The following FYN variants were observed in gnomAD, a reference collection of about 807,000 sequenced individuals.
FYN encodes FYN proto-oncogene, Src family tyrosine kinase, also known as tyrosine-protein kinase Fyn.
A neutral mutation model predicts 70.2 loss-of-function variants in FYN; 10 were observed. The observed-to-expected ratio is 0.14, with a 90% confidence interval of 0.09 to 0.24. FYN has a LOEUF of 0.24. Ranked by LOEUF, FYN falls within the 10% of genes least tolerant of loss-of-function variation. The pLI, the probability that FYN is intolerant of heterozygous loss-of-function variation, is 1.00. For missense variants in FYN, 319 were observed against 673.1 expected, an observed-to-expected ratio of 0.47 and a Z score of 5.82; for synonymous variants, 236 against 248.6, an observed-to-expected ratio of 0.95 and a Z score of 0.48.
In FYN at chr6:111,661,734, G is replaced by C. The variant is rs368114735; in HGVS notation, c.*5C>G. 7 of 1,612,694 alleles carry C rather than the reference G, an allele frequency of 4.3e-6. No individual in the cohort carries two copies. Among genetic ancestry groups the C allele is most frequent in the East Asian group, 2.2e-5 (1 of 44,888 alleles). ...GGACAAGGCCTCTCTCCGCAGACCC[G>C]GGCCTTACAGGTTTTCACCAGGTTG... On this transcript the variant is annotated 3_prime_UTR_variant, in exon 14 of 14. Transcript: ENST00000354650. The surrounding 1 kb of genome is among the most constrained non-coding windows in gnomAD (Gnocchi z 4.0).
At position 111,670,619 on chromosome 6, in the gene FYN, G is replaced by C. The variant is rs1483023785; in HGVS notation, c.1405+3880C>G. On this transcript the variant is annotated intron_variant, in intron 13 of 13. Coordinates refer to ENST00000354650, the MANE Select transcript of FYN (RefSeq NM_002037.5). The stretch of plus-strand genomic sequence containing the variant: ...TTTGTGGAATGACTACAGAAAAAGA[G>C]TTATGAAGAACTATGTAGAATTACG... Among the ~76,000 whole-genome samples the C allele has an allele frequency of 3.5e-5, 5 of 143,468 alleles. No homozygotes were observed. In the East Asian group the frequency reaches 9.6e-4, roughly 28 times the overall value. The allele number at this position is 143,468 out of a possible 152,430, so 94.1% of individuals were successfully genotyped here. A position where few individuals can be genotyped will look rare whatever the true frequency, so the allele number is the denominator to read the frequency against.
chr6:111,851,833 C>T (rs1366361893), intron 1 of FYN, among the ~76,000 whole-genome samples: 1 of 151,482 alleles, frequency 6.6e-6, no homozygotes, highest in Non-Finnish European at 1.5e-5. Context: ...ACAGCCACAA[C>T]ACTGCTTGGG....
In FYN at chr6:111,846,775, G is replaced by A. The variant is rs913034049; in HGVS notation, c.-122-146C>T. 2.3e-5 allele frequency: 9 copies of A among 396,244 alleles called. No individual in the cohort carries two copies. In the Admixed American group the frequency reaches 2.6e-4, roughly 12 times the overall value. The allele number at this position is 396,244 out of a possible 1,614,324, so 24.5% of individuals were successfully genotyped here. A position where few individuals can be genotyped will look rare whatever the true frequency, so the allele number is the denominator to read the frequency against. ...CAAATTTTTTATCATTCACACAATT[G>A]TTGCTAAGTCACAGTTGCCACAAAC... On this transcript the variant is annotated intron_variant, in intron 1 of 13. Coordinates refer to ENST00000354650, the MANE Select transcript of FYN (RefSeq NM_002037.5).
At chr6:111,679,635 T>C (rs373586142) in intron 12 of FYN, among the ~76,000 whole-genome samples, 1 of 152,130 alleles carries the variant, frequency 6.6e-6, no homozygotes, top group South Asian at 2.1e-4. Context: ...TGGTGAGTCT[T>C]CTACTTGTCC....
intron 3 of FYN, among the ~76,000 whole-genome samples, chr6:111,750,041 T>G (rs1722957483): frequency 6.6e-6 from 1 of 152,218 alleles, no homozygotes; most frequent in Admixed American, 6.5e-5. Flanking sequence ...AGTGACAGCA[T>G]GTACAACTGC....
At chr6:111,872,749 G>C (rs1003423605) in intron 1 of FYN, among the ~76,000 whole-genome samples, 1 of 151,806 alleles carries the variant, frequency 6.6e-6, no homozygotes, top group Non-Finnish European at 1.5e-5. Context: ...CCCCATCCCC[G>C]CGCTGCCTCG....
chr6:111,752,834 C>T (rs953620335), intron 3 of FYN, among the ~76,000 whole-genome samples: 4 of 151,914 alleles, frequency 2.6e-5, no homozygotes, highest in Non-Finnish European at 5.9e-5. Flanking sequence ...CAGTCCAGTT[C>T]AGTGTTAATA....
chr6:111,724,470 G>T (rs570238166), intron 3 of FYN, among the ~76,000 whole-genome samples: 1 of 152,106 alleles, frequency 6.6e-6, no homozygotes, highest in Non-Finnish European at 1.5e-5. Flanking sequence ...TTCATATTTC[G>T]TCATGTGCCA....
chr6:111,700,982 TA>T (rs554639957), intron 8 of FYN, among the ~76,000 whole-genome samples: 5,768 of 141,578 alleles, frequency 0.041, 270 homozygotes, highest in African/African-American at 0.13. Context: ...TATTTTCCAT[TA>T]AAAAAAAAAA....
At chr6:111,729,222 CCAG>C (rs1319495443) in intron 3 of FYN, among the ~76,000 whole-genome samples, 1 of 152,104 alleles carries the variant, frequency 6.6e-6, no homozygotes, top group Admixed American at 6.5e-5. Context: ...ACCTGTAATT[CCAG>C]CACTTTGGGA....
In FYN at chr6:111,665,995, C is replaced by CTTTT. The variant is rs991104460; in HGVS notation, c.1406-4052_1406-4049dup. Among the ~76,000 whole-genome samples the CTTTT allele has an allele frequency of 9.2e-4, 82 of 89,070 alleles. 1 individual carries two copies. Among genetic ancestry groups the CTTTT allele is most frequent in the East Asian group, 1.7e-3 (5 of 2,864 alleles). The allele number at this position is 89,070 out of a possible 152,430, so 58.4% of individuals were successfully genotyped here. ...GCTGGAAATGTTTTTCCTTTTTCTC[C>CTTTT]TTTTTTTTTTTTTTTTTTTTTTTTG... On this transcript the variant is annotated intron_variant, in intron 13 of 13. Coordinates refer to ENST00000354650, the MANE Select transcript of FYN (RefSeq NM_002037.5).
In FYN at chr6:111,707,939, G is replaced by A. The variant is rs1800176300; in HGVS notation, c.426C>T (p.Asp142=). The part of the protein sequence containing the change: ...YIPSNYVAPV[D]SIQAEEWYFG... ...AAACATACTCTTCTGCCTGGATAGA[G>A]TCAACTGGAGCCACATAATTGCTGG... is the stretch of plus-strand genomic sequence containing the variant. Residue 142 remains aspartate (D), a synonymous_variant, in exon 6 of 14, where the codon GAC becomes GAT. Transcript: ENST00000354650. 2 of 1,613,614 alleles carry A rather than the reference G, an allele frequency of 1.2e-6. No individual in the cohort carries two copies. Among genetic ancestry groups the A allele is most frequent in the Non-Finnish European group, 8.5e-7 (1 of 1,179,550 alleles).
At chr6:111,695,439 G>C (rs1363055046) in intron 10 of FYN, among the ~76,000 whole-genome samples, 1 of 152,184 alleles carries the variant, frequency 6.6e-6, no homozygotes, top group African/African-American at 2.4e-5. Flanking sequence ...GCCTAAGAAG[G>C]CTTAGAACTA....
chr6:111,754,805 C>G (rs1802645900), intron 3 of FYN: 1 of 152,160 alleles, frequency 6.6e-6, no homozygotes. Flanking sequence ...AACACACACA[C>G]AACCTGAGTG....
chr6:111,840,661 C>G (rs568974620), intron 2 of FYN, among the ~76,000 whole-genome samples: 2 of 152,228 alleles, frequency 1.3e-5, no homozygotes, highest in South Asian at 2.1e-4. Flanking sequence ...GCAGTAATAA[C>G]CTTTTAAAGG....
chr6:111,855,717 G>A (rs904404864), intron 1 of FYN, among the ~76,000 whole-genome samples: 6 of 152,124 alleles, frequency 3.9e-5, no homozygotes, highest in African/African-American at 1.4e-4. Flanking sequence ...AAAAGTTTGG[G>A]TGTATTCTGT....
At chr6:111,765,258 C>T (rs557639501) in intron 3 of FYN, among the ~76,000 whole-genome samples, 1 of 152,222 alleles carries the variant, frequency 6.6e-6, no homozygotes, top group East Asian at 1.9e-4. Flanking sequence ...CCCTAACCCC[C>T]AATGTAACTG....
chr6:111,728,866 T>C lies in FYN; in HGVS notation c.-11-8804A>G. Among the ~76,000 whole-genome samples, 5 of 152,266 alleles carry C rather than the reference T, an allele frequency of 3.3e-5. No individual in the cohort carries two copies. In the Middle Eastern group the frequency reaches 0.017, roughly 518 times the overall value. The stretch of plus-strand genomic sequence containing the variant: ...ACTCTCTTAGATTAATATTTCAATA[T>C]ATAAGAAATTTATACAGATAAGAGA... On this transcript the variant is annotated intron_variant, in intron 3 of 13. Coordinates refer to ENST00000354650, the MANE Select transcript of FYN (RefSeq NM_002037.5).
chr6:111,847,866 T>C (rs544938124), intron 1 of FYN, among the ~76,000 whole-genome samples: 6 of 152,340 alleles, frequency 3.9e-5, no homozygotes, highest in African/African-American at 1.4e-4. Context: ...AGAACCACCA[T>C]GGAGGTGAGA....
Sources: allele counts gnomAD v4.1 joint callset (sites outside exome capture counted in the v4.1 genomes callset), GRCh38; gene constraint gnomAD v4.1.1; non-coding constraint Gnocchi (gnomAD v3.1); transcripts MANE v1.5; gene names NCBI Gene and HGNC (gene_info 2026-07-23, HGNC 2026-07-21).